The following BRAP variants were observed in gnomAD, a reference collection of about 807,000 sequenced individuals.
BRAP encodes BRCA1 associated protein.
Under a neutral mutation model 73.4 loss-of-function variants are expected in BRAP, and 42 were observed. The observed-to-expected ratio is 0.57, with a 90% CI of 0.45 to 0.74. BRAP has a LOEUF of 0.74. BRAP is among the 30% of genes least tolerant of loss of function. BRAP has a pLI of 0.00. For synonymous variants in BRAP, 255 were observed against 267.4 expected, an observed-to-expected ratio of 0.95 and a Z score of 0.45; for missense variants, 593 against 751.4, an observed-to-expected ratio of 0.79 and a Z score of 2.46.
intron 10 of BRAP, among the ~76,000 whole-genome samples, chr12:111,651,410 C>T (rs1200123814): frequency 2.0e-5 from 3 of 151,430 alleles, no homozygotes; most frequent in African/African-American, 4.8e-5. Context: ...CAGTGGCAGG[C>T]GCCTGTAATC....
At chr12:111,668,340 T>A (rs201378525) in intron 5 of BRAP, among the ~76,000 whole-genome samples, 2,645 of 151,074 alleles carry the variant, frequency 0.018, 77 homozygotes, top group African/African-American at 0.055. Flanking sequence ...CAATGTTAAT[T>A]TTTTTTTTTT....
chr12:111,679,860 G>A (rs1245808482), intron 3 of BRAP, among the ~76,000 whole-genome samples: 1 of 101,374 alleles, frequency 9.9e-6, no homozygotes, highest in Non-Finnish European at 1.8e-5. Flanking sequence ...CTGGGCCACA[G>A]AGCAAGACTC....
Position 111,679,378 on chromosome 12 carries a change from G to A in BRAP, c.444-38C>T, listed in dbSNP as rs186845213. 1.1e-3 allele frequency: 1,483 copies of A among 1,384,634 alleles called. 25 individuals carry two copies. The Admixed American group carries it at 0.035, about 33-fold the overall frequency. The allele number at this position is 1,384,634 out of a possible 1,614,324, so 85.8% of individuals were successfully genotyped here. A position where few individuals can be genotyped will look rare whatever the true frequency, so the allele number is the denominator to read the frequency against. ...AAATTAGAGTGTCTTGAATAGATGA[G>A]GTATGGTTAGTTTAAACAATACTAG... On this transcript the variant is annotated intron_variant, in intron 3 of 11. Coordinates refer to ENST00000419234, the MANE Select transcript of BRAP (RefSeq NM_006768.5).
intron 1 of BRAP, chr12:111,685,479 TA>T: frequency 9.8e-7 from 1 of 1,016,800 alleles, no homozygotes; most frequent in Non-Finnish European, 1.3e-6. Context: ...AGGTATAAAC[TA>T]AATGCCCTCA....
chr12:111,679,087 CATACAGTTTGA>C, intron 4 of BRAP, 53 bp downstream of exon 4: 1 of 1,210,796 alleles, frequency 8.3e-7, no homozygotes, highest in Non-Finnish European at 1.1e-6. Flanking sequence ...ACACAGCTAT[CATACAGTTTGA>C]ATACCACAGT....
chr12:111,669,121 T>TC (rs1887071510), intron 5 of BRAP, among the ~76,000 whole-genome samples: 2 of 152,146 alleles, frequency 1.3e-5, no homozygotes, highest in African/African-American at 4.8e-5. Flanking sequence ...CTCCCAATAC[T>TC]CCCTGTCTCT....
chr12:111,685,820 C>T lies in BRAP; in HGVS notation c.-28G>A, dbSNP rs970020004. On this transcript the variant is annotated 5_prime_UTR_variant, in exon 1 of 12. Coordinates refer to ENST00000419234, the MANE Select transcript of BRAP (RefSeq NM_006768.5). The stretch of plus-strand genomic sequence containing the variant: ...GGCAGGCGCTGGCCGGCGCGGGCCC[C>T]GGCGGGCTCAGGCGAGGCTGGAAGG... 25 of 1,438,218 alleles carry T rather than the reference C, an allele frequency of 1.7e-5. No individual in the cohort carries two copies. Among genetic ancestry groups the T allele is most frequent in the Non-Finnish European group, 2.1e-5 (23 of 1,085,924 alleles). 89.1% of individuals were successfully genotyped at this position (1,438,218 alleles called of 1,614,324 possible). A position where few individuals can be genotyped will look rare whatever the true frequency, so the allele number is the denominator to read the frequency against.
chr12:111,650,088 G>C (rs771681161), intron 10 of BRAP, 46 bp from the exon 11 acceptor site: 12 of 1,383,486 alleles, frequency 8.7e-6, no homozygotes, highest in Non-Finnish European at 1.2e-5. Context: ...AAGGTAATGT[G>C]GTGTGCTCTT....
At chr12:111,679,365 C>A in intron 3 of BRAP, 25 bp from the exon 4 acceptor site, 2 of 1,474,582 alleles carry the variant, frequency 1.4e-6, no homozygotes, top group Non-Finnish European at 9.1e-7. Flanking sequence ...ATTAGAGTGT[C>A]TTGAATAGAT....
intron 7 of BRAP, among the ~76,000 whole-genome samples, chr12:111,659,746 G>A (rs1886673421): frequency 6.6e-6 from 1 of 152,178 alleles, no homozygotes; most frequent in Non-Finnish European, 1.5e-5. Context: ...GTTGGGCACA[G>A]TGGCTCACAC....
intron 4 of BRAP, 139 bp from the exon 5 acceptor site, chr12:111,672,913 T>C (rs1195323175): frequency 6.4e-6 from 4 of 629,114 alleles, no homozygotes; most frequent in Non-Finnish European, 1.1e-5. Context: ...CCACCAAAAG[T>C]CACATCTACT....
At position 111,681,830 on chromosome 12, in the gene BRAP, G is replaced by A; in HGVS notation, c.250C>T (p.Leu84=). The A allele has an allele frequency of 6.2e-7, 1 of 1,608,328 alleles. No homozygotes were observed. Among genetic ancestry groups the A allele is most frequent in the African/African-American group, 1.3e-5 (1 of 74,606 alleles). The part of the protein sequence containing the change: ...IETMKSNPDE[L]KTTVEERKSS... The stretch of plus-strand genomic sequence containing the variant: ...TTCCTTTCTTCCACTGTAGTTTTTA[G>A]TTCATCTTTCACCAGTTAAAAAATA... The change falls in exon 3 of 12, where the codon CTA becomes TTA. Residue 84 remains leucine (L), a synonymous_variant. Coordinates refer to ENST00000419234, the MANE Select transcript of BRAP (RefSeq NM_006768.5).
At chr12:111,674,873 A>G (rs1331969460) in intron 4 of BRAP, among the ~76,000 whole-genome samples, 1 of 152,138 alleles carries the variant, frequency 6.6e-6, no homozygotes, top group African/African-American at 2.4e-5. Context: ...GGACTGCCTG[A>G]AAGTCAGGGC....
Position 111,679,137 on chromosome 12 carries a change from T to G in BRAP, c.633+14A>C, listed in dbSNP as rs746704027. 2.7e-6 allele frequency: 4 copies of G among 1,462,604 alleles called. No homozygotes were observed. The highest frequency in any genetic ancestry group is 2.7e-6 in the Non-Finnish European group (3 of 1,093,320). The allele number at this position is 1,462,604 out of a possible 1,614,324, so 90.6% of individuals were successfully genotyped here. On this transcript the variant is annotated intron_variant, in intron 4 of 11. Coordinates refer to ENST00000419234, the MANE Select transcript of BRAP (RefSeq NM_006768.5). ...TGTGGCAAAGAGATTTTTAATAAAT[T>G]TAATAACTTTTACCTGTGCACGAAA...
At chr12:111,674,250 C>CA (rs1555253566) in intron 4 of BRAP, among the ~76,000 whole-genome samples, 1 of 148,688 alleles carries the variant, frequency 6.7e-6, no homozygotes, top group Non-Finnish European at 1.5e-5. Flanking sequence ...TCCCCCCCAC[C>CA]TTTTTTTTTT....
chr12:111,672,671 T>G lies in BRAP; in HGVS notation c.737A>C (p.Lys246Thr), dbSNP rs150096881. Residue 246 changes from lysine (K) to threonine (T), a missense_variant, in exon 5 of 12, where the codon AAA becomes ACA. Physicochemically the swap from Lys to Thr is moderately conservative, Grantham distance 78. Coordinates refer to ENST00000419234, the MANE Select transcript of BRAP (RefSeq NM_006768.5). ...LVYVERAEVL[K>T]SEDGASLPVM... The stretch of plus-strand genomic sequence containing the variant: ...ACAATTCACACTTACATCTTCAGAT[T>G]TGAGCACTTCAGCTCTTTCCACATA... The G allele has an allele frequency of 6.2e-7, 1 of 1,612,028 alleles. No homozygotes were observed. Among genetic ancestry groups the G allele is most frequent in the Non-Finnish European group, 8.5e-7 (1 of 1,178,780 alleles).
chr12:111,657,739 C>T (rs1228268952), intron 9 of BRAP, among the ~76,000 whole-genome samples: 2 of 151,898 alleles, frequency 1.3e-5, no homozygotes, highest in Non-Finnish European at 2.9e-5. Context: ...ATTAGCTGGG[C>T]ATGGTGGCAC....
Position 111,685,845 on chromosome 12 carries a change from G to A in BRAP, c.-53C>T. 2 of 1,389,324 alleles carry A rather than the reference G, an allele frequency of 1.4e-6. No individual in the cohort carries two copies. The highest frequency in any genetic ancestry group is 9.4e-7 in the Non-Finnish European group (1 of 1,063,086). The allele number at this position is 1,389,324 out of a possible 1,614,324, so 86.1% of individuals were successfully genotyped here. On this transcript the variant is annotated 5_prime_UTR_variant, in exon 1 of 12. Coordinates refer to ENST00000419234, the MANE Select transcript of BRAP (RefSeq NM_006768.5). Reference sequence around the variant, plus strand: ...CGGCGGGCTCAGGCGAGGCTGGAAGGCGAGCCGAGAGGCCGAGCGGCCCGG... The same window carrying A: ...CGGCGGGCTCAGGCGAGGCTGGAAGACGAGCCGAGAGGCCGAGCGGCCCGG...
intron 3 of BRAP, among the ~76,000 whole-genome samples, chr12:111,680,247 C>G (rs1264666262): frequency 2.0e-5 from 3 of 151,958 alleles, no homozygotes; most frequent in South Asian, 4.2e-4. Flanking sequence ...AGCCACCACG[C>G]CCGGCAAGAG....
Sources: gnomAD v4.1 joint callset for allele counts (sites outside exome capture counted in the v4.1 genomes callset) on GRCh38, gnomAD v4.1.1 for gene constraint, MANE v1.5 for transcripts, NCBI Gene and HGNC (gene_info 2026-07-23, HGNC 2026-07-21) for gene names.